Variants in MAD1L1 observed in about 807,000 individuals in gnomAD.
MAD1L1 encodes the protein mitotic arrest deficient 1 like 1.
In MAD1L1, 95 loss-of-function variants were observed where a neutral mutation model predicts 96.9. That is an observed-to-expected ratio of 0.98 (90% confidence interval 0.83 to 1.16). The LOEUF (loss-of-function observed/expected upper bound fraction) is 1.16, where lower values mean the gene tolerates loss of function less well. Among genes scored for constraint, MAD1L1 ranks in the 50% most tolerant of loss-of-function variants. The pLI, the probability that MAD1L1 is intolerant of heterozygous loss-of-function variation, is 0.00. For missense variants in MAD1L1, 1,007 were observed against 954.4 expected, an observed-to-expected ratio of 1.06 and a Z score of -0.73; for synonymous variants, 473 against 396.6, an observed-to-expected ratio of 1.19 and a Z score of -2.29.
chr7:2,193,376 A>ACTCTTGGTC (rs1791820620), intron 10 of MAD1L1: 1 of 152,452 alleles, frequency 6.6e-6, no homozygotes, highest in Non-Finnish European at 1.5e-5. Context: ...AGGCCCTCCA[A>ACTCTTGGTC]CTCTTGGTCC....
chr7:2,094,436 A>T (rs1267631257), intron 11 of MAD1L1, among the ~76,000 whole-genome samples: 4 of 152,210 alleles, frequency 2.6e-5, no homozygotes, highest in Admixed American at 2.6e-4. Flanking sequence ...GACGGATGAG[A>T]AATAAGACAC....
chr7:2,167,082 A>G (rs1418417924), intron 10 of MAD1L1, among the ~76,000 whole-genome samples: 1 of 152,228 alleles, frequency 6.6e-6, no homozygotes, highest in Non-Finnish European at 1.5e-5. Context: ...CGCTGTGGAC[A>G]GTGGCATCGC....
At chr7:2,170,438 C>T (rs758156289) in intron 10 of MAD1L1, among the ~76,000 whole-genome samples, 55 of 152,274 alleles carry the variant, frequency 3.6e-4, no homozygotes, top group Non-Finnish European at 6.9e-4. Flanking sequence ...GGAGAAAGCA[C>T]AGAACTCATG....
intron 18 of MAD1L1, among the ~76,000 whole-genome samples, chr7:1,862,227 G>A (rs1784568785): frequency 6.6e-6 from 1 of 152,210 alleles, no homozygotes; most frequent in Non-Finnish European, 1.5e-5. Flanking sequence ...TCAGCACACC[G>A]AGCAGCACCC....
chr7:1,861,951 G>A (rs544433412), intron 18 of MAD1L1, among the ~76,000 whole-genome samples: 6 of 152,240 alleles, frequency 3.9e-5, no homozygotes, highest in South Asian at 4.1e-4. Flanking sequence ...AGGAGCTGCT[G>A]GGAACGTAGA....
intron 15 of MAD1L1, among the ~76,000 whole-genome samples, chr7:1,969,790 ACT>A (rs2128479195): frequency 6.6e-6 from 1 of 152,262 alleles, no homozygotes; most frequent in Admixed American, 6.5e-5. Flanking sequence ...AGAACAAAAC[ACT>A]CTGCAATACA....
intron 11 of MAD1L1, among the ~76,000 whole-genome samples, chr7:2,072,366 C>T (rs995758760): frequency 4.6e-5 from 7 of 152,214 alleles, no homozygotes; most frequent in Non-Finnish European, 8.8e-5. Flanking sequence ...TCAGCCGCCT[C>T]GGAAAGCCCT....
intron 18 of MAD1L1, among the ~76,000 whole-genome samples, chr7:1,821,472 T>C (rs1356798671): frequency 2.0e-5 from 3 of 152,098 alleles, no homozygotes; most frequent in Admixed American, 6.5e-5. Flanking sequence ...CCAACAAGGA[T>C]GGTGCGCACA....
rs1162892188 is a variant in MAD1L1 at position 2,052,981 on chromosome 7, C to T, written c.1218+16213G>A. Among the ~76,000 whole-genome samples, 5 of 152,152 alleles carry T rather than the reference C, an allele frequency of 3.3e-5. No individual in the cohort carries two copies. The East Asian group carries it at 9.7e-4, about 29-fold the overall frequency. Reference sequence around the variant, plus strand: ...AGTCCCGGGACAGCGGAGGCTCCTCCACCAGCCTGAGGAGGGAACGGGTGG... The same window carrying T: ...AGTCCCGGGACAGCGGAGGCTCCTCTACCAGCCTGAGGAGGGAACGGGTGG... On this transcript the variant is annotated intron_variant, in intron 12 of 18. Coordinates refer to ENST00000265854, the MANE Select transcript of MAD1L1 (RefSeq NM_001013836.2).
At chr7:2,100,444 T>G (rs1786720269) in intron 11 of MAD1L1, among the ~76,000 whole-genome samples, 1 of 152,230 alleles carries the variant, frequency 6.6e-6, no homozygotes. Flanking sequence ...ATTACAATGC[T>G]GGTGCCTTGC....
chr7:1,861,419 T>C (rs554246216), intron 18 of MAD1L1, among the ~76,000 whole-genome samples: 2 of 151,130 alleles, frequency 1.3e-5, no homozygotes, highest in South Asian at 4.2e-4. Flanking sequence ...GCCCCCTGGT[T>C]GGAGGGACAC....
At chr7:1,874,827 T>C (rs569635990) in intron 18 of MAD1L1, among the ~76,000 whole-genome samples, 21 of 151,440 alleles carry the variant, frequency 1.4e-4, no homozygotes, top group African/African-American at 4.8e-4. Context: ...GGGGCAGGTA[T>C]AGGGAGGAGG....
chr7:2,218,468 G>A (rs544165981), intron 6 of MAD1L1, among the ~76,000 whole-genome samples: 31 of 152,332 alleles, frequency 2.0e-4, no homozygotes, highest in Admixed American at 2.0e-3. Flanking sequence ...TGATGGAAGG[G>A]TCCAAGTCTG....
chr7:2,161,522 G>C (rs1038122522), intron 10 of MAD1L1, among the ~76,000 whole-genome samples: 1 of 152,126 alleles, frequency 6.6e-6, no homozygotes, highest in African/African-American at 2.4e-5. Flanking sequence ...CTGCCCAGCC[G>C]CCACCCCATC....
chr7:2,225,714 A>G, intron 3 of MAD1L1, 164 bp from the exon 4 acceptor site: 2 of 704,618 alleles, frequency 2.8e-6, no homozygotes, highest in Non-Finnish European at 4.6e-6. Context: ...GGAACAGGGG[A>G]GGGGCAGGAA....
chr7:2,145,705 T>G (rs1001258289), intron 11 of MAD1L1, among the ~76,000 whole-genome samples: 2 of 152,134 alleles, frequency 1.3e-5, no homozygotes, highest in African/African-American at 2.4e-5. Context: ...CAAGCTGACA[T>G]CAGACCCTCC....
At chr7:2,127,431 G>GCAATGGACA (rs1326653041) in intron 11 of MAD1L1, among the ~76,000 whole-genome samples, 2 of 152,198 alleles carry the variant, frequency 1.3e-5, no homozygotes, top group Admixed American at 1.3e-4. Flanking sequence ...TCTCCTGAGG[G>GCAATGGACA]CAATGGACAC....
chr7:2,063,462 G>C (rs1784750395), intron 12 of MAD1L1, among the ~76,000 whole-genome samples: 1 of 152,220 alleles, frequency 6.6e-6, no homozygotes, highest in Admixed American at 6.5e-5. Context: ...GGACAGGCAT[G>C]AGCTACATTA....
chr7:1,919,160 A>G (rs893823669), intron 17 of MAD1L1, among the ~76,000 whole-genome samples: 2 of 152,244 alleles, frequency 1.3e-5, no homozygotes, highest in African/African-American at 4.8e-5. Flanking sequence ...CAACTGCCCC[A>G]GGACCTGGGC....
Sources: gnomAD v4.1 joint callset for allele counts (sites outside exome capture counted in the v4.1 genomes callset) on GRCh38, gnomAD v4.1.1 for gene constraint, MANE v1.5 for transcripts, NCBI Gene and HGNC (gene_info 2026-07-23, HGNC 2026-07-21) for gene names.